MPHOSPH10: variants seen among roughly 807,000 people sequenced by gnomAD.
The protein encoded by MPHOSPH10 is U3 small nucleolar ribonucleoprotein MPP10.
Under a neutral mutation model 77.3 loss-of-function variants are expected in MPHOSPH10, and 33 were observed. The observed-to-expected ratio is 0.43, with a 90% confidence interval of 0.32 to 0.57. The LOEUF (loss-of-function observed/expected upper bound fraction) is 0.57, where lower values mean the gene tolerates loss of function less well. Among genes scored for constraint, MPHOSPH10 ranks in the 20% least tolerant of loss-of-function variants. The probability of loss-of-function intolerance (pLI) is 0.07; values close to 1 mark genes in which losing one functional copy is unlikely to be tolerated. For synonymous variants in MPHOSPH10, 245 were observed against 268.0 expected (o/e 0.91, Z 0.84); for missense variants, 708 against 780.1 (o/e 0.91, Z 1.10).
At position 71,144,476 on chromosome 2, in the gene MPHOSPH10, A is replaced by T. The variant is rs1158593589; in HGVS notation, c.1495A>T (p.Met499Leu). The T allele has an allele frequency of 1.1e-5, 17 of 1,614,088 alleles. No homozygotes were observed. The highest frequency in any genetic ancestry group is 3.3e-5 in the South Asian group (3 of 91,070). Residue 499 changes from methionine to leucine, a missense_variant, in exon 8 of 11, where the codon ATG becomes TTG. By Grantham distance (15) the Met-to-Leu change is conservative. Coordinates refer to ENST00000244230, the MANE Select transcript of MPHOSPH10 (RefSeq NM_005791.3). Reference sequence around the variant, plus strand: ...TCCAGAACATGTAGAAATTCAGAAGATGATGGATTCCCTCTTCTTAAAATT... The same window carrying T: ...TCCAGAACATGTAGAAATTCAGAAGTTGATGGATTCCCTCTTCTTAAAATT... ...ENPEHVEIQK[M>L]MDSLFLKLDA...
chr2:71,130,651 G>C lies in MPHOSPH10; in HGVS notation c.-15G>C. The C allele has an allele frequency of 1.9e-6, 3 of 1,604,164 alleles. No individual in the cohort carries two copies. Among genetic ancestry groups the C allele is most frequent in the East Asian group, 2.2e-5 (1 of 44,626 alleles). ...TCCCTTGCATGCTGCATTGTGTCGG[G>C]AGTTGCTGACAGCCATGGCGCCGCA... On this transcript the variant is annotated 5_prime_UTR_variant, in exon 1 of 11. Coordinates refer to ENST00000244230, the MANE Select transcript of MPHOSPH10 (RefSeq NM_005791.3).
chr2:71,134,214 T>C, intron 3 of MPHOSPH10, 109 bp downstream of exon 3: 1 of 1,060,594 alleles, frequency 9.4e-7, no homozygotes, highest in Admixed American at 2.9e-5. Context: ...TTCTCTAATA[T>C]CAGATATTCT....
chr2:71,144,668 T>C, intron 8 of MPHOSPH10, 130 bp downstream of exon 8: 1 of 687,556 alleles, frequency 1.5e-6, no homozygotes, highest in Non-Finnish European at 2.4e-6. Context: ...CCAGGCAGGG[T>C]CTCCATGAGG....
intron 4 of MPHOSPH10, among the ~76,000 whole-genome samples, chr2:71,135,026 G>A (rs545532561): frequency 3.9e-5 from 6 of 152,252 alleles, no homozygotes; most frequent in African/African-American, 1.4e-4. Flanking sequence ...AATTAGCTGG[G>A]CATGGTGATG....
chr2:71,132,933 T>C lies in MPHOSPH10; in HGVS notation c.125T>C (p.Leu42Ser), dbSNP rs1176295271. The change falls in exon 2 of 11, where the codon TTA becomes TCA. Residue 42 changes from leucine (L) to serine (S), a missense_variant. This residue lies in a region of MPHOSPH10 where 433 missense variants were observed against 432.6 expected (regional missense o/e 1.00). Coordinates refer to ENST00000244230, the MANE Select transcript of MPHOSPH10 (RefSeq NM_005791.3). ...GGATTGGCATCAAAGTTCACTTCTT[T>C]AACAAAAGTGCTTTATGACTTTAAT... ...QEGLASKFTS[L>S]TKVLYDFNKI... is the part of the protein sequence containing the mutation. 1 of 1,611,594 alleles carries C rather than the reference T, an allele frequency of 6.2e-7. No individual in the cohort carries two copies. The highest frequency in any genetic ancestry group is 8.5e-7 in the Non-Finnish European group (1 of 1,178,528).
Position 71,130,641 on chromosome 2 carries a change from A to G in MPHOSPH10, c.-25A>G, listed in dbSNP as rs1173567868. On this transcript the variant is annotated 5_prime_UTR_variant, in exon 1 of 11. Transcript: ENST00000244230. Reference sequence around the variant, plus strand: ...GCGGCTCCCTTCCCTTGCATGCTGCATTGTGTCGGGAGTTGCTGACAGCCA... The same window carrying G: ...GCGGCTCCCTTCCCTTGCATGCTGCGTTGTGTCGGGAGTTGCTGACAGCCA... 3 of 1,597,298 alleles carry G rather than the reference A, an allele frequency of 1.9e-6. No homozygotes were observed. The highest frequency in any genetic ancestry group is 1.1e-5 in the South Asian group (1 of 89,282).
chr2:71,134,190 C>T, intron 3 of MPHOSPH10, 85 bp downstream of exon 3: 1 of 1,344,008 alleles, frequency 7.4e-7, no homozygotes, highest in Non-Finnish European at 1.0e-6. Context: ...ATGTGTTTGT[C>T]TTAGCAAGTT....
At chr2:71,134,313 C>T (rs1673445270) in intron 3 of MPHOSPH10, among the ~76,000 whole-genome samples, 1 of 152,168 alleles carries the variant, frequency 6.6e-6, no homozygotes, top group Non-Finnish European at 1.5e-5. Flanking sequence ...GCAATCAAAC[C>T]TTCCTTACCA....
chr2:71,142,204 C>T (rs187163780), intron 7 of MPHOSPH10, among the ~76,000 whole-genome samples: 6 of 152,284 alleles, frequency 3.9e-5, no homozygotes, highest in African/African-American at 7.2e-5. Flanking sequence ...AAGCCATTTA[C>T]GATTCCCACC....
intron 4 of MPHOSPH10, among the ~76,000 whole-genome samples, chr2:71,136,431 C>G (rs970169590): frequency 8.6e-5 from 13 of 151,934 alleles, no homozygotes; most frequent in Admixed American, 7.9e-4. Context: ...GGGAGGATCT[C>G]TTGAGTCCAG....
intron 5 of MPHOSPH10, chr2:71,138,896 AC>A: frequency 1.7e-6 from 1 of 599,896 alleles, no homozygotes; most frequent in Non-Finnish European, 3.0e-6. Context: ...TCAGCCAGAT[AC>A]GGTGGCAGAT....
intron 4 of MPHOSPH10, among the ~76,000 whole-genome samples, chr2:71,137,001 C>T (rs141896677): frequency 6.7e-6 from 1 of 150,340 alleles, no homozygotes; most frequent in East Asian, 2.0e-4. Context: ...AAAAATCCTA[C>T]AGCACAGTGG....
chr2:71,134,049 CAAA>C lies in MPHOSPH10; in HGVS notation c.871_873del (p.Lys291del), dbSNP rs757484811. On this transcript the variant is annotated inframe_deletion, in exon 3 of 11. Transcript: ENST00000244230. ...TTCATGATGATGAGCTGGATTCAAA[CAAA>C]GAAGATGATGAAATTGCTGAAGAAG... 4.3e-4 allele frequency: 695 copies of C among 1,609,000 alleles called. No homozygotes were observed. Among genetic ancestry groups the C allele is most frequent in the Non-Finnish European group, 5.5e-4 (644 of 1,177,522 alleles).
chr2:71,141,499 A>C, intron 7 of MPHOSPH10, 130 bp downstream of exon 7: 1 of 702,658 alleles, frequency 1.4e-6, no homozygotes, highest in Non-Finnish European at 2.1e-6. Context: ...AGTATGAGAC[A>C]GAGCATGCTA....
At chr2:71,148,395 G>A (rs893678844) in intron 9 of MPHOSPH10, 3 of 269,366 alleles carry the variant, frequency 1.1e-5, no homozygotes, top group Non-Finnish European at 2.1e-5. Context: ...GTGATGTTAA[G>A]TTGAAAACAA....
intron 10 of MPHOSPH10, 133 bp from the exon 11 acceptor site, chr2:71,149,733 C>T (rs975030954): frequency 1.2e-6 from 1 of 811,626 alleles, no homozygotes; most frequent in East Asian, 2.6e-5. Flanking sequence ...CTAACTGATT[C>T]AGTTTTCTGT....
rs1673425233 is a variant in MPHOSPH10 at position 71,133,420 on chromosome 2, C to T, written c.612C>T (p.Phe204=). Residue 204 remains phenylalanine, a synonymous_variant, in exon 2 of 11, where the codon TTC becomes TTT. Transcript: ENST00000244230. ...PREKSIVDDK[F]FKLSEMEAYL... is the part of the protein sequence containing the mutation. Reference sequence around the variant, plus strand: ...AAAAGTCCATAGTAGATGATAAATTCTTCAAACTCTCTGAAATGGAGGCCT... The same window carrying T: ...AAAAGTCCATAGTAGATGATAAATTTTTCAAACTCTCTGAAATGGAGGCCT... The T allele has an allele frequency of 6.2e-7, 1 of 1,613,906 alleles. No homozygotes were observed. The highest frequency in any genetic ancestry group is 1.3e-5 in the African/African-American group (1 of 74,892).
At chr2:71,137,876 G>A (rs1411043273) in intron 4 of MPHOSPH10, among the ~76,000 whole-genome samples, 1 of 152,132 alleles carries the variant, frequency 6.6e-6, no homozygotes, top group East Asian at 1.9e-4. Context: ...ATAATGGCCA[G>A]GCATGGTGGC....
At chr2:71,131,673 G>T (rs1673382737) in intron 1 of MPHOSPH10, among the ~76,000 whole-genome samples, 1 of 152,194 alleles carries the variant, frequency 6.6e-6, no homozygotes, top group African/African-American at 2.4e-5. Context: ...TACAGTAAAA[G>T]GTGGTTATCT....
Sources: allele counts gnomAD v4.1 joint callset (sites outside exome capture counted in the v4.1 genomes callset), GRCh38; gene constraint gnomAD v4.1.1; regional missense constraint gnomAD v4.1.1; transcripts MANE v1.5; gene names NCBI Gene and HGNC (gene_info 2026-07-23, HGNC 2026-07-21).